ARHGAP39: variants seen among roughly 807,000 people sequenced by gnomAD.
ARHGAP39 encodes rho GTPase-activating protein 39.
In ARHGAP39, 44 loss-of-function variants were observed where a neutral mutation model predicts 106.9. That is an observed-to-expected ratio of 0.41 (90% CI 0.32 to 0.53). ARHGAP39 has a LOEUF of 0.53. Among genes scored for constraint, ARHGAP39 ranks in the 20% least tolerant of loss-of-function variants. The pLI, the probability that ARHGAP39 is intolerant of heterozygous loss-of-function variation, is 0.21. For missense variants in ARHGAP39, 1,496 were observed against 1,577.3 expected, an observed-to-expected ratio of 0.95 and a Z score of 0.87; for synonymous variants, 768 against 693.2, an observed-to-expected ratio of 1.11 and a Z score of -1.69.
chr8:144,612,114 C>CAGAGTGAA (rs1298247104), intron 1 of ARHGAP39, among the ~76,000 whole-genome samples: 3 of 152,026 alleles, frequency 2.0e-5, no homozygotes, highest in Non-Finnish European at 4.4e-5. Context: ...GACAGGGCAA[C>CAGAGTGAA]AGAGTGAAGT....
At chr8:144,636,205 G>A (rs1006596531) in intron 1 of ARHGAP39, among the ~76,000 whole-genome samples, 1 of 152,218 alleles carries the variant, frequency 6.6e-6, no homozygotes, top group African/African-American at 2.4e-5. Context: ...GGCTGGTATG[G>A]AGAAACCCTT....
At chr8:144,662,595 T>C (rs2129690646) in intron 1 of ARHGAP39, among the ~76,000 whole-genome samples, 1 of 136,576 alleles carries the variant, frequency 7.3e-6, no homozygotes, top group Admixed American at 7.3e-5. Context: ...CTTGGACCAC[T>C]CTCCCTCCCG....
At position 144,644,924 on chromosome 8, in the gene ARHGAP39, T is replaced by C. The variant is rs1821404789; in HGVS notation, c.-81-39229A>G. Among the ~76,000 whole-genome samples the C allele has an allele frequency of 6.6e-6, 1 of 152,256 alleles. No individual in the cohort carries two copies. Among genetic ancestry groups the C allele is most frequent in the Admixed American group, 6.5e-5 (1 of 15,288 alleles). On this transcript the variant is annotated intron_variant, in intron 1 of 11. Coordinates refer to ENST00000377307, the MANE Select transcript of ARHGAP39 (RefSeq NM_025251.3). The surrounding 1 kb of genome is among the most constrained non-coding windows in gnomAD (Gnocchi z 4.8). ...CAGACTCTGCCCCTAGCAGGTCCTC[T>C]GCTCCGTGCTGCCACACCCTGCCCA... is the stretch of plus-strand genomic sequence containing the variant.
chr8:144,669,991 G>A (rs887935307), intron 1 of ARHGAP39, among the ~76,000 whole-genome samples: 5 of 152,196 alleles, frequency 3.3e-5, no homozygotes, highest in Admixed American at 2.0e-4. Flanking sequence ...ATTACCATAT[G>A]ACCCAGCAAC....
At chr8:144,659,757 A>C (rs11998705) in intron 1 of ARHGAP39, among the ~76,000 whole-genome samples, 4,152 of 152,062 alleles carry the variant, frequency 0.027, 253 homozygotes, top group East Asian at 0.25. Context: ...CTAAGCTAAC[A>C]ATTGCTTCTC....
chr8:144,561,816 A>G (rs1818179483), intron 3 of ARHGAP39, among the ~76,000 whole-genome samples: 1 of 128,618 alleles, frequency 7.8e-6, no homozygotes, highest in African/African-American at 3.3e-5. Flanking sequence ...GCTTTCCATC[A>G]CATCCCAGTG....
chr8:144,560,227 A>G (rs1035645664), intron 3 of ARHGAP39, among the ~76,000 whole-genome samples: 1 of 152,260 alleles, frequency 6.6e-6, no homozygotes, highest in Non-Finnish European at 1.5e-5. Context: ...TGAGGTCAGG[A>G]GTTTGAGACC....
chr8:144,554,481 T>C (rs1339976764), intron 4 of ARHGAP39, among the ~76,000 whole-genome samples: 1 of 152,194 alleles, frequency 6.6e-6, no homozygotes, highest in East Asian at 1.9e-4. Flanking sequence ...ATGGCAGAGC[T>C]GAGGCAGTGC....
At chr8:144,643,465 A>G (rs1006827581) in intron 1 of ARHGAP39, among the ~76,000 whole-genome samples, 7 of 152,176 alleles carry the variant, frequency 4.6e-5, no homozygotes, top group Non-Finnish European at 1.0e-4. Flanking sequence ...AAAGAAAAAC[A>G]AAAGAAAAAA....
rs192041929 is a variant in ARHGAP39, at chr8:144,684,012, T to A, written c.-82+1674A>T. Among the ~76,000 whole-genome samples the A allele has an allele frequency of 5.4e-4, 83 of 152,322 alleles. No homozygotes were observed. The East Asian group carries it at 0.015, about 28-fold the overall frequency. On this transcript the variant is annotated intron_variant, in intron 1 of 11. Coordinates refer to ENST00000377307, the MANE Select transcript of ARHGAP39 (RefSeq NM_025251.3). The surrounding 1 kb of genome is among the most constrained non-coding windows in gnomAD (Gnocchi z 4.4). ...GAGGCCAATATTATTAGTGTTCCCATTTTACAGATGAGAAGCCAAAGGCAC... is the reference window on the plus strand; with the variant it reads ...GAGGCCAATATTATTAGTGTTCCCAATTTACAGATGAGAAGCCAAAGGCAC...
chr8:144,533,238 C>T lies in ARHGAP39; in HGVS notation c.2776G>A (p.Val926Ile), dbSNP rs1359403581. The T allele has an allele frequency of 1.2e-6, 2 of 1,613,030 alleles. No homozygotes were observed. The highest frequency in any genetic ancestry group is 2.2e-5 in the East Asian group (1 of 44,898). Residue 926 changes from valine to isoleucine, a missense_variant, in exon 9 of 12, where the codon GTC becomes ATC. This residue lies in a region of ARHGAP39 where 470 missense variants were observed against 605.1 expected (regional missense o/e 0.78). Coordinates refer to ENST00000377307, the MANE Select transcript of ARHGAP39 (RefSeq NM_025251.3). The stretch of plus-strand genomic sequence containing the variant: ...TAGCGCTCTCTCTGCATGCCCATGA[C>T]CTCCTGCAGTGCGCTGCCGAACATG... Reference protein sequence around the residue: ...PSMFGSALQEVMGMQRERYPE... With the variant: ...PSMFGSALQEIMGMQRERYPE...
chr8:144,544,459 C>A (rs1817320474), intron 6 of ARHGAP39, among the ~76,000 whole-genome samples: 1 of 152,234 alleles, frequency 6.6e-6, no homozygotes, highest in Non-Finnish European at 1.5e-5. Flanking sequence ...CATGTCTGAC[C>A]TGGAGGGTGT....
rs1047463761 is a variant in ARHGAP39 at position 144,647,170 on chromosome 8, T to C, written c.-82+38516A>G. Among the ~76,000 whole-genome samples the C allele has an allele frequency of 1.3e-5, 2 of 151,966 alleles. No individual in the cohort carries two copies. The highest frequency in any genetic ancestry group is 2.9e-5 in the Non-Finnish European group (2 of 68,006). On this transcript the variant is annotated intron_variant, in intron 1 of 11. Coordinates refer to ENST00000377307, the MANE Select transcript of ARHGAP39 (RefSeq NM_025251.3). The surrounding 1 kb of genome is among the most constrained non-coding windows in gnomAD (Gnocchi z 4.8). ...TTTTCGTAGAGACGGGGTTTCACCA[T>C]GTTAGCCAGGATGGTCTTGATCTCT...
Position 144,679,748 on chromosome 8 carries a change from A to C in ARHGAP39, c.-82+5938T>G, listed in dbSNP as rs984585707. 2.0e-5 allele frequency among the ~76,000 whole-genome samples: 3 copies of C among 152,232 alleles called. No homozygotes were observed. Among genetic ancestry groups the C allele is most frequent in the Non-Finnish European group, 4.4e-5 (3 of 68,044 alleles). On this transcript the variant is annotated intron_variant, in intron 1 of 11. Coordinates refer to ENST00000377307, the MANE Select transcript of ARHGAP39 (RefSeq NM_025251.3). This position sits in a 1 kb window ranked among gnomAD's most constrained non-coding sequence, Gnocchi z 4.7. ...GTAATCCCAGCACTTTGGGAGGCCA[A>C]GGCGGGCGGATCACGAGGTCAGGAG...
intron 2 of ARHGAP39, among the ~76,000 whole-genome samples, chr8:144,589,317 G>A (rs1160087621): frequency 3.9e-5 from 6 of 152,070 alleles, no homozygotes; most frequent in Non-Finnish European, 7.4e-5. Flanking sequence ...GCCTCATTTC[G>A]GAGCCAGCAG....
In ARHGAP39 at chr8:144,601,400, G is replaced by A. The variant is rs560091745; in HGVS notation, c.80+4135C>T. 2.0e-4 allele frequency among the ~76,000 whole-genome samples: 28 copies of A among 142,934 alleles called. No individual in the cohort carries two copies. In the South Asian group the frequency reaches 3.2e-3, roughly 17 times the overall value. The allele number at this position is 142,934 out of a possible 152,430, so 93.8% of individuals were successfully genotyped here. On this transcript the variant is annotated intron_variant, in intron 2 of 11. Transcript: ENST00000377307. Reference sequence around the variant, plus strand: ...TGTGTGCGTTGAGGCGTGTGTGCTCGTCTACCTGCGTGCATGGAGGCGTGC... The same window carrying A: ...TGTGTGCGTTGAGGCGTGTGTGCTCATCTACCTGCGTGCATGGAGGCGTGC...
In ARHGAP39 at chr8:144,605,695, A is replaced by G; in HGVS notation, c.-81T>C. 1 of 1,398,894 alleles carries G rather than the reference A, an allele frequency of 7.1e-7. No individual in the cohort carries two copies. The highest frequency in any genetic ancestry group is 1.0e-6 in the Non-Finnish European group (1 of 997,546). The allele number at this position is 1,398,894 out of a possible 1,614,324, so 86.7% of individuals were successfully genotyped here. ...CCAGCATCAGACGGGAAGGTGCCGCACTGCAAGAGGGGAGAAGCAACAGTG... is the reference window on the plus strand; with the variant it reads ...CCAGCATCAGACGGGAAGGTGCCGCGCTGCAAGAGGGGAGAAGCAACAGTG... On this transcript the variant is annotated splice_region_variant and 5_prime_UTR_variant, in exon 2 of 12. Coordinates refer to ENST00000377307, the MANE Select transcript of ARHGAP39 (RefSeq NM_025251.3).
At chr8:144,575,182 G>A (rs2130890187) in intron 3 of ARHGAP39, among the ~76,000 whole-genome samples, 1 of 152,298 alleles carries the variant, frequency 6.6e-6, no homozygotes, top group South Asian at 2.1e-4. Flanking sequence ...TGCAGGACTG[G>A]CAGTTGCCGT....
At position 144,604,502 on chromosome 8, in the gene ARHGAP39, C is replaced by T. The variant is rs919116940; in HGVS notation, c.80+1033G>A. ...AAGGGATCTCCTCACCTCAGCCTCC[C>T]GAGTAGCTGAGACCATAGGCATCTG... On this transcript the variant is annotated intron_variant, in intron 2 of 11. Coordinates refer to ENST00000377307, the MANE Select transcript of ARHGAP39 (RefSeq NM_025251.3). This position sits in a 1 kb window ranked among gnomAD's most constrained non-coding sequence, Gnocchi z 4.1. Among the ~76,000 whole-genome samples the T allele has an allele frequency of 1.3e-5, 2 of 152,202 alleles. No individual in the cohort carries two copies. Among genetic ancestry groups the T allele is most frequent in the East Asian group, 3.9e-4 (2 of 5,178 alleles).
Sources: allele counts gnomAD v4.1 joint callset (sites outside exome capture counted in the v4.1 genomes callset), GRCh38; gene constraint gnomAD v4.1.1; regional missense constraint gnomAD v4.1.1; non-coding constraint Gnocchi (gnomAD v3.1); transcripts MANE v1.5; gene names NCBI Gene and HGNC (gene_info 2026-07-23, HGNC 2026-07-21).